Variants in HPCAL1 observed in about 807,000 individuals in gnomAD.
The protein encoded by HPCAL1 is hippocalcin like 1, also known as hippocalcin-like protein 1.
HPCAL1 carries 8 observed loss-of-function variants against 17.1 expected under a neutral mutation model. That is an observed-to-expected ratio of 0.47 (90% CI 0.27 to 0.84). HPCAL1 has a LOEUF of 0.84. Among genes scored for constraint, HPCAL1 ranks in the 40% least tolerant of loss-of-function variants. The probability of loss-of-function intolerance (pLI) is 0.13; values close to 1 mark genes in which losing one functional copy is unlikely to be tolerated. For synonymous variants in HPCAL1, 112 were observed against 111.4 expected, an observed-to-expected ratio of 1.01 and a Z score of -0.03; for missense variants, 165 against 271.1, an observed-to-expected ratio of 0.61 and a Z score of 2.75.
chr2:10,378,165 G>A (rs1031372867), intron 1 of HPCAL1, among the ~76,000 whole-genome samples: 4 of 150,634 alleles, frequency 2.7e-5, no homozygotes, highest in African/African-American at 4.9e-5. Flanking sequence ...CTGCCGTCTT[G>A]CAGAGTCAGG....
intron 1 of HPCAL1, among the ~76,000 whole-genome samples, chr2:10,334,397 C>T (rs1302664335): frequency 1.3e-5 from 2 of 151,898 alleles, no homozygotes; most frequent in African/African-American, 4.8e-5. Context: ...AGTCCCAGCT[C>T]TTCAGGAGGC....
At chr2:10,357,776 G>T (rs950986244) in intron 1 of HPCAL1, among the ~76,000 whole-genome samples, 3 of 151,664 alleles carry the variant, frequency 2.0e-5, no homozygotes, top group Admixed American at 6.6e-5. Flanking sequence ...TCCCATCCCC[G>T]ACTGTAACAA....
chr2:10,303,257 C>A (rs1231489762), intron 1 of HPCAL1, 80 bp downstream of exon 1: 2 of 152,274 alleles, frequency 1.3e-5, no homozygotes, highest in Non-Finnish European at 2.9e-5. Context: ...CACCGGCGAG[C>A]GCTGCGATCC....
chr2:10,386,762 AC>A (rs1432527870), intron 1 of HPCAL1, among the ~76,000 whole-genome samples: 2 of 151,794 alleles, frequency 1.3e-5, no homozygotes, highest in East Asian at 3.9e-4. Flanking sequence ...CAGCTGGAGC[AC>A]CCCCCACCAG....
At chr2:10,390,107 C>A (rs1206020420) in intron 1 of HPCAL1, among the ~76,000 whole-genome samples, 2 of 152,184 alleles carry the variant, frequency 1.3e-5, no homozygotes, top group Non-Finnish European at 2.9e-5. Context: ...GTTCCCAGTG[C>A]CCCAGGAACC....
At chr2:10,399,557 TACCGC>T (rs1558518899) in intron 2 of HPCAL1, among the ~76,000 whole-genome samples, 1,375 of 84,214 alleles carry the variant, frequency 0.016, 92 homozygotes, top group African/African-American at 0.06. Context: ...CCGCCACCAC[TACCGC>T]CACCGCCACC....
At chr2:10,408,262 GTCTC>G (rs112759274) in intron 2 of HPCAL1, among the ~76,000 whole-genome samples, 3 of 151,388 alleles carry the variant, frequency 2.0e-5, no homozygotes, top group Admixed American at 6.6e-5. Flanking sequence ...GCCCTGCTGG[GTCTC>G]TCTCTCTCTC....
At chr2:10,392,469 T>C (rs1352354633) in intron 1 of HPCAL1, among the ~76,000 whole-genome samples, 1 of 152,254 alleles carries the variant, frequency 6.6e-6, no homozygotes, top group Non-Finnish European at 1.5e-5. Flanking sequence ...TCAAATTGTC[T>C]CTTTCTTGAG....
rs1230392609 is a variant in HPCAL1 at position 10,330,251 on chromosome 2, C to T, written c.-111+27074C>T. The T allele has an allele frequency of 6.6e-6, 1 of 152,198 alleles. No individual in the cohort carries two copies. The highest frequency in any genetic ancestry group is 1.5e-5 in the Non-Finnish European group (1 of 68,066). The allele number at this position is 152,198 out of a possible 1,614,324, so 9.4% of individuals were successfully genotyped here. On this transcript the variant is annotated intron_variant, in intron 1 of 4. Transcript: ENST00000307845. This position sits in a 1 kb window ranked among gnomAD's most constrained non-coding sequence, Gnocchi z 4.2. ...AAGGTCCCAGTCTAGATGCTTCTGA[C>T]ATGGACAAAAGGAGAATTCCTGACT...
chr2:10,397,635 A>G (rs1669140479), intron 2 of HPCAL1, among the ~76,000 whole-genome samples: 1 of 152,104 alleles, frequency 6.6e-6, no homozygotes, highest in African/African-American at 2.4e-5. Flanking sequence ...AGCCTGGCTT[A>G]GGGGCTTTTT....
intron 2 of HPCAL1, among the ~76,000 whole-genome samples, chr2:10,418,466 A>C (rs899238674): frequency 7.3e-5 from 11 of 151,056 alleles, no homozygotes; most frequent in Non-Finnish European, 1.0e-4. Flanking sequence ...AAAAAAAAAA[A>C]AAAAACAACC....
chr2:10,311,772 A>G (rs1435569024), intron 1 of HPCAL1, among the ~76,000 whole-genome samples: 2 of 152,028 alleles, frequency 1.3e-5, no homozygotes, highest in Non-Finnish European at 2.9e-5. Flanking sequence ...CACCATTATC[A>G]TTATCACTAT....
chr2:10,317,183 A>C (rs1663367824), intron 1 of HPCAL1, among the ~76,000 whole-genome samples: 1 of 152,236 alleles, frequency 6.6e-6, no homozygotes, highest in Non-Finnish European at 1.5e-5. Context: ...TTTTCTAAAC[A>C]CAGATCAGAT....
rs114531645 is a variant in HPCAL1, at chr2:10,395,240, G to A, written c.-110-1595G>A. On this transcript the variant is annotated intron_variant, in intron 1 of 4. Coordinates refer to ENST00000307845, the MANE Select transcript of HPCAL1 (RefSeq NM_002149.4). The surrounding 1 kb of genome is among the most constrained non-coding windows in gnomAD (Gnocchi z 4.4). ...TGACTTTGTCAGGTCTTGAATTCTA[G>A]CAGTGAGTTTACATTCCATAATTGG... 8.0e-3 allele frequency among the ~76,000 whole-genome samples: 1,216 copies of A among 151,876 alleles called. 9 individuals carry two copies. The highest frequency in any genetic ancestry group is 0.027 in the African/African-American group (1,113 of 41,352).
At chr2:10,408,058 C>A (rs1259815686) in intron 2 of HPCAL1, among the ~76,000 whole-genome samples, 1 of 152,222 alleles carries the variant, frequency 6.6e-6, no homozygotes. Context: ...TGCAGAGGCA[C>A]AAGGTGTGCA....
chr2:10,329,783 G>C (rs1664243478), intron 1 of HPCAL1, among the ~76,000 whole-genome samples: 2 of 152,200 alleles, frequency 1.3e-5, no homozygotes, highest in Non-Finnish European at 2.9e-5. Context: ...GCCTGGGTTG[G>C]GGCTCCCAGC....
At chr2:10,406,548 G>C (rs1669981201) in intron 2 of HPCAL1, among the ~76,000 whole-genome samples, 2 of 152,244 alleles carry the variant, frequency 1.3e-5, no homozygotes, top group South Asian at 4.1e-4. Flanking sequence ...ACTTCAGCCT[G>C]ATGTTTCTGG....
At chr2:10,366,628 A>G (rs1391824744) in intron 1 of HPCAL1, among the ~76,000 whole-genome samples, 1 of 152,122 alleles carries the variant, frequency 6.6e-6, no homozygotes, top group Non-Finnish European at 1.5e-5. Flanking sequence ...CAGGAGACTC[A>G]CCCATACCAA....
chr2:10,325,157 G>T (rs1218691588), intron 1 of HPCAL1, among the ~76,000 whole-genome samples: 2 of 151,476 alleles, frequency 1.3e-5, no homozygotes, highest in Non-Finnish European at 2.9e-5. Flanking sequence ...GTTGGTTTTT[G>T]ATTTTAGAGA....
Sources: gnomAD v4.1 joint callset for allele counts (sites outside exome capture counted in the v4.1 genomes callset) on GRCh38, gnomAD v4.1.1 for gene constraint, Gnocchi (gnomAD v3.1) non-coding constraint, MANE v1.5 for transcripts, NCBI Gene and HGNC (gene_info 2026-07-23, HGNC 2026-07-21) for gene names.